The following RIIAD1 variants were observed in gnomAD, a reference collection of about 807,000 sequenced individuals.
RIIAD1 encodes the protein regulatory subunit of type II PKA R-subunit domain containing 1.
A neutral mutation model predicts 13.3 loss-of-function variants in RIIAD1; 15 were observed. The ratio of observed to expected loss-of-function variants is 1.13; its 90% CI spans 0.76 to 1.74. The LOEUF (loss-of-function observed/expected upper bound fraction) is 1.74, where lower values mean the gene tolerates loss of function less well. Ranked by LOEUF, RIIAD1 falls within the 40% of genes most tolerant of loss-of-function variation. The pLI is 0.00. For missense variants in RIIAD1, 121 were observed against 112.2 expected, an observed-to-expected ratio of 1.08 and a Z score of -0.35; for synonymous variants, 50 against 43.3, an observed-to-expected ratio of 1.16 and a Z score of -0.61.
At chr1:151,715,990 C>T (rs556416068) in intron 4 of RIIAD1, 1 of 1,613,830 alleles carries the variant, frequency 6.2e-7, no homozygotes, top group Non-Finnish European at 8.5e-7. Flanking sequence ...ATCTGCCCCA[C>T]AAACAGCTTG....
At chr1:151,721,471 G>A (rs1309580500), upstream of RIIAD1, 3 of 996,958 alleles carry the variant, frequency 3.0e-6, no homozygotes, top group Non-Finnish European at 4.0e-6. Context: ...CGGGCTTGGG[G>A]GCAGGGCGGG....
chr1:151,726,364 A>G (rs903865605), intron 2 of RIIAD1, among the ~76,000 whole-genome samples: 1 of 152,164 alleles, frequency 6.6e-6, no homozygotes, highest in Non-Finnish European at 1.5e-5. Flanking sequence ...GCTATATTTT[A>G]TTTTATTTTG....
chr1:151,721,474 A>AGGGCGGGGCCGG, upstream of RIIAD1: 1 of 1,010,200 alleles, frequency 9.9e-7, no homozygotes, highest in Admixed American at 4.2e-5. Flanking sequence ...GCTTGGGGGC[A>AGGGCGGGGCCGG]GGGCGGGGCC....
intron 3 of RIIAD1, among the ~76,000 whole-genome samples, chr1:151,728,056 A>G (rs1673864093): frequency 6.6e-6 from 1 of 152,214 alleles, no homozygotes; most frequent in Non-Finnish European, 1.5e-5. Flanking sequence ...GGTGATTCTA[A>G]TGGACTGGCT....
rs758638471 is a variant in RIIAD1, at chr1:151,721,565, G to T, written c.29G>T (p.Arg10Leu). The T allele has an allele frequency of 3.5e-4, 461 of 1,326,928 alleles. 1 individual carries two copies. The highest frequency in any genetic ancestry group is 1.1e-3 in the Middle Eastern group (4 of 3,522). The allele number at this position is 1,326,928 out of a possible 1,614,324, so 82.2% of individuals were successfully genotyped here. The change falls in exon 1 of 5, where the codon CGG becomes CTG. Residue 10 changes from arginine to leucine, a missense_variant. By Grantham distance (102) the Arg-to-Leu change is moderately radical. Transcript: ENST00000479191. METLPGLLQRPDPGALSAAQ... is the reference protein window; with the variant it reads METLPGLLQLPDPGALSAAQ... ...GAGACGCTGCCAGGCTTGCTGCAGC[G>T]GCCCGACCCCGGGGCGCTTAGCGCA...
rs757141415 is a variant in RIIAD1 at position 151,714,186 on chromosome 1, C to T, written c.-89-234C>T. Among the ~76,000 whole-genome samples the T allele has an allele frequency of 3.9e-5, 6 of 152,094 alleles. No homozygotes were observed. The East Asian group carries it at 7.7e-4, about 20-fold the overall frequency. ...GCTGCCTGTTCTCTGGGCACTCCTCCCTCATCTCACAGCCACCCAGCCTGC... is the reference window on the plus strand; with the variant it reads ...GCTGCCTGTTCTCTGGGCACTCCTCTCTCATCTCACAGCCACCCAGCCTGC... On this transcript the variant is annotated intron_variant, in intron 3 of 8. Transcript: ENST00000326413.
chr1:151,728,959 T>C, intron 4 of RIIAD1, 66 bp downstream of exon 4: 1 of 647,560 alleles, frequency 1.5e-6, no homozygotes, highest in East Asian at 2.7e-5. Context: ...TCTGGTTTAT[T>C]GGTCCAGGGT....
intron 2 of RIIAD1, among the ~76,000 whole-genome samples, chr1:151,722,634 C>T (rs1673758935): frequency 2.0e-5 from 3 of 152,152 alleles, no homozygotes; most frequent in African/African-American, 4.8e-5. Context: ...AAATAAATCA[C>T]GGAGCATCAG....
upstream of RIIAD1, among the ~76,000 whole-genome samples, chr1:151,717,483 G>A (rs905604599): frequency 9.2e-5 from 14 of 152,242 alleles, no homozygotes; most frequent in African/African-American, 3.1e-4. Context: ...GCGTGGGCAG[G>A]GAGGCCGCGG....
chr1:151,716,153 A>G, intron 4 of RIIAD1: 1 of 876,582 alleles, frequency 1.1e-6, no homozygotes, highest in Non-Finnish European at 1.7e-6. Context: ...GCCCCCAACC[A>G]CGCTGCTAAG....
chr1:151,727,512 C>T (rs1472989631), intron 2 of RIIAD1, 63 bp from the exon 3 acceptor site: 6 of 1,109,946 alleles, frequency 5.4e-6, no homozygotes, highest in African/African-American at 1.6e-5. Context: ...GGACCTGAAA[C>T]AGTAGCCACA....
chr1:151,719,094 T>A (rs1414898501), upstream of RIIAD1, among the ~76,000 whole-genome samples: 6 of 152,324 alleles, frequency 3.9e-5, no homozygotes, highest in East Asian at 1.2e-3. Flanking sequence ...GGGAGACAGC[T>A]GCAGACAGCA....
At chr1:151,727,042 A>C (rs1673843427) in intron 2 of RIIAD1, among the ~76,000 whole-genome samples, 1 of 152,112 alleles carries the variant, frequency 6.6e-6, no homozygotes, top group South Asian at 2.1e-4. Context: ...TAATCCCAGC[A>C]CTTTGGGAGG....
rs372937834 is a variant in RIIAD1 at position 151,714,603 on chromosome 1, C to T, written c.21+74C>T. On this transcript the variant is annotated intron_variant, in intron 4 of 8. Coordinates refer to the RIIAD1 transcript ENST00000326413. ...AAAGGGCAGGACTCACCCCTGGAAG[C>T]GTCTTCTGTTCGTGCAGGGCGCTCT... is the stretch of plus-strand genomic sequence containing the variant. The T allele has an allele frequency of 2.5e-4, 389 of 1,555,712 alleles. No individual in the cohort carries two copies. The East Asian group carries it at 5.5e-3, about 22-fold the overall frequency.
chr1:151,717,334 G>T (rs1447003894), upstream of RIIAD1, among the ~76,000 whole-genome samples: 1 of 152,184 alleles, frequency 6.6e-6, no homozygotes, highest in Non-Finnish European at 1.5e-5. Flanking sequence ...GGAAAGGGAC[G>T]TGGAGAAGGA....
chr1:151,728,189 C>T (rs967958929), intron 3 of RIIAD1, among the ~76,000 whole-genome samples: 2 of 152,164 alleles, frequency 1.3e-5, no homozygotes, highest in Non-Finnish European at 2.9e-5. Flanking sequence ...CTCAATACGC[C>T]TTTGCTAGCG....
chr1:151,715,434 G>A (rs1046289778), intron 4 of RIIAD1, among the ~76,000 whole-genome samples: 2 of 151,920 alleles, frequency 1.3e-5, no homozygotes, highest in Non-Finnish European at 2.9e-5. Flanking sequence ...CCAGCTCCAC[G>A]CTTTCCACAT....
intron 2 of RIIAD1, among the ~76,000 whole-genome samples, chr1:151,725,673 G>A (rs1409728443): frequency 6.6e-6 from 1 of 152,066 alleles, no homozygotes; most frequent in Non-Finnish European, 1.5e-5. Context: ...GTGCGCTTTT[G>A]TATTTTATAT....
upstream of RIIAD1, among the ~76,000 whole-genome samples, chr1:151,718,884 T>A (rs1269501835): frequency 6.6e-6 from 1 of 152,176 alleles, no homozygotes; most frequent in Non-Finnish European, 1.5e-5. Context: ...ATGGAGATGC[T>A]AAACAGATCA....
Sources: gnomAD v4.1 joint callset for allele counts (sites outside exome capture counted in the v4.1 genomes callset) on GRCh38, gnomAD v4.1.1 for gene constraint, MANE v1.5 for transcripts, NCBI Gene and HGNC (gene_info 2026-07-23, HGNC 2026-07-21) for gene names.